SHPRH: variants seen among roughly 807,000 people sequenced by gnomAD.
SHPRH encodes E3 ubiquitin-protein ligase SHPRH.
Under a neutral mutation model 202.5 loss-of-function variants are expected in SHPRH, and 106 were observed. The ratio of observed to expected loss-of-function variants is 0.52; its 90% CI spans 0.45 to 0.62. SHPRH has a LOEUF of 0.62. SHPRH is among the 20% of genes least tolerant of loss of function. The pLI, the probability that SHPRH is intolerant of heterozygous loss-of-function variation, is 0.00. For synonymous variants in SHPRH, 729 were observed against 686.0 expected, an observed-to-expected ratio of 1.06 and a Z score of -0.98; for missense variants, 1,710 against 2,020.0, an observed-to-expected ratio of 0.85 and a Z score of 2.94.
intron 2 of SHPRH, 70 bp downstream of exon 2, chr6:145,954,620 A>T: frequency 1.4e-6 from 2 of 1,481,252 alleles, no homozygotes; most frequent in Non-Finnish European, 1.8e-6. Flanking sequence ...GACTTCTCTC[A>T]CAAGTTAATT....
chr6:145,875,090 C>T (rs1397103921), intron 2 of SHPRH, among the ~76,000 whole-genome samples: 1 of 152,128 alleles, frequency 6.6e-6, no homozygotes, highest in Non-Finnish European at 1.5e-5. Context: ...AACCAGTAAG[C>T]ACATAATGCA....
chr6:145,866,739 A>G (rs1779798002), intron 2 of SHPRH, among the ~76,000 whole-genome samples: 1 of 152,170 alleles, frequency 6.6e-6, no homozygotes, highest in African/African-American at 2.4e-5. Flanking sequence ...GAGGCCACTT[A>G]TGGAAGAGAA....
chr6:145,896,657 G>A (rs953910499), intron 25 of SHPRH, among the ~76,000 whole-genome samples: 2 of 151,820 alleles, frequency 1.3e-5, no homozygotes, highest in Admixed American at 1.3e-4. Flanking sequence ...AATATGTTAG[G>A]ATACAAAACA....
At chr6:145,867,981 A>G (rs1388567404) in intron 2 of SHPRH, among the ~76,000 whole-genome samples, 2 of 152,206 alleles carry the variant, frequency 1.3e-5, no homozygotes, top group Non-Finnish European at 2.9e-5. Flanking sequence ...TAGGGCTGCC[A>G]TAACAAAGTA....
chr6:145,944,447 T>C (rs1042340282), intron 8 of SHPRH, among the ~76,000 whole-genome samples: 1 of 152,096 alleles, frequency 6.6e-6, no homozygotes, highest in Non-Finnish European at 1.5e-5. Flanking sequence ...AGTGGGAGTA[T>C]GATAGGCAGG....
intron 2 of SHPRH, among the ~76,000 whole-genome samples, chr6:145,879,328 C>T (rs565922994): frequency 6.6e-6 from 1 of 152,138 alleles, no homozygotes; most frequent in East Asian, 1.9e-4. Context: ...AATAACACCC[C>T]CCATTCCTCC....
At chr6:145,929,381 T>C (rs1186965398) in intron 14 of SHPRH, among the ~76,000 whole-genome samples, 1 of 152,072 alleles carries the variant, frequency 6.6e-6, no homozygotes, top group Non-Finnish European at 1.5e-5. Context: ...TCAGAATATG[T>C]ATTAATGTAT....
rs71801996 is a variant in SHPRH at position 145,937,915 on chromosome 6, T to TAAC, written c.2570-2475_2570-2474insGTT. 4.5e-3 allele frequency among the ~76,000 whole-genome samples: 692 copies of TAAC among 152,338 alleles called. 27 individuals are homozygous for TAAC. The East Asian group carries it at 0.081, about 18-fold the overall frequency. On this transcript the variant is annotated intron_variant, in intron 11 of 29. Transcript: ENST00000275233. ...ACTATTTTTTTAATGAAACCTGTTATAGTTAGAATTTTCCTTTTTTTCATT... is the reference window on the plus strand; with the variant it reads ...ACTATTTTTTTAATGAAACCTGTTATAACAGTTAGAATTTTCCTTTTTTTCATT...
At chr6:145,879,277 T>C (rs558769436) in intron 2 of SHPRH, among the ~76,000 whole-genome samples, 3 of 152,184 alleles carry the variant, frequency 2.0e-5, no homozygotes, top group Admixed American at 6.5e-5. Context: ...AAAAAAGAAA[T>C]AGTTGCTTTT....
downstream of SHPRH, among the ~76,000 whole-genome samples, chr6:145,863,271 C>A (rs17075407): frequency 0.013 from 2,014 of 152,214 alleles, 48 homozygotes; most frequent in African/African-American, 0.045. Context: ...AAATGAGAGA[C>A]GTGATTGCCA....
At chr6:145,960,985 G>T (rs560824881) in intron 1 of SHPRH, among the ~76,000 whole-genome samples, 1 of 151,804 alleles carries the variant, frequency 6.6e-6, no homozygotes, top group African/African-American at 2.4e-5. Flanking sequence ...TGCAGTTCAC[G>T]ATAGCATTCA....
intron 8 of SHPRH, among the ~76,000 whole-genome samples, chr6:145,944,338 C>A (rs1425020080): frequency 6.6e-6 from 1 of 152,056 alleles, no homozygotes; most frequent in African/African-American, 2.4e-5. Flanking sequence ...CAAATATGAA[C>A]AATATTTGGC....
Position 145,948,276 on chromosome 6 carries a change from C to T in SHPRH, c.1057G>A (p.Gly353Ser). The T allele has an allele frequency of 2.5e-6, 4 of 1,573,866 alleles. No individual in the cohort carries two copies. The highest frequency in any genetic ancestry group is 3.4e-6 in the Non-Finnish European group (4 of 1,160,452). ...ATAAGTAAAATTTTGCCTTACCAGC[C>T]TGTATATGGATTATAGTAGAGTTTC... is the stretch of plus-strand genomic sequence containing the variant. ...GLKLYYNPYTGCIIREYPNSG... is the reference protein window; with the variant it reads ...GLKLYYNPYTSCIIREYPNSG... The change falls in exon 5 of 30, where the codon GGC becomes AGC. Residue 353 changes from glycine to serine, a missense_variant. Physicochemically the swap from Gly to Ser is moderately conservative, Grantham distance 56. Transcript: ENST00000275233.
chr6:145,935,250 T>C (rs1227786626), intron 12 of SHPRH, 28 bp downstream of exon 12: 2 of 1,612,112 alleles, frequency 1.2e-6, no homozygotes, highest in Admixed American at 3.4e-5. Flanking sequence ...TTATAGTACC[T>C]TTATCAATAA....
At chr6:145,943,065 G>A in intron 9 of SHPRH, 78 bp downstream of exon 9, 1 of 1,465,398 alleles carries the variant, frequency 6.8e-7, no homozygotes, top group East Asian at 2.3e-5. Context: ...AAACCACAAA[G>A]AAACAAAGAT....
intron 2 of SHPRH, 28 bp from the exon 3 acceptor site, chr6:145,952,506 A>C (rs1176779993): frequency 1.9e-6 from 3 of 1,586,234 alleles, no homozygotes; most frequent in Non-Finnish European, 2.6e-6. Context: ...AAATAAAAGT[A>C]GTTTCATTTG....
rs1780902074 is a variant in SHPRH at position 145,885,289 on chromosome 6, A to G, written c.*1402T>C. 1.3e-5 allele frequency: 2 copies of G among 152,468 alleles called. No homozygotes were observed. Among genetic ancestry groups the G allele is most frequent in the African/African-American group, 4.8e-5 (2 of 41,466 alleles). 9.4% of individuals were successfully genotyped at this position (152,468 alleles called of 1,614,324 possible). A position where few individuals can be genotyped will look rare whatever the true frequency, so the allele number is the denominator to read the frequency against. ...AAAAATAACAGTTTGATTTAATTTC[A>G]TATAAAAGAATCAATGGATACCTCC... On this transcript the variant is annotated 3_prime_UTR_variant, in exon 30 of 30. Transcript: ENST00000275233.
chr6:145,897,819 A>G (rs888343867), intron 25 of SHPRH, among the ~76,000 whole-genome samples: 2 of 152,178 alleles, frequency 1.3e-5, no homozygotes, highest in Non-Finnish European at 2.9e-5. Context: ...AAAATTCAAC[A>G]TACTTCAATA....
Position 145,943,513 on chromosome 6 carries a change from A to T in SHPRH, c.1868T>A (p.Phe623Tyr). Reference sequence around the variant, plus strand: ...GTCCTCTGTTTCATGTTCTTGGTTGAATTCAGAGATACATGTACTTTTAGA... The same window carrying T: ...GTCCTCTGTTTCATGTTCTTGGTTGTATTCAGAGATACATGTACTTTTAGA... ...AMSKSTCISE[F>Y]NQEHETEDCA... The change falls in exon 9 of 30, where the codon TTC becomes TAC. Residue 623 changes from phenylalanine to tyrosine, a missense_variant. By Grantham distance (22) the Phe-to-Tyr change is conservative. Coordinates refer to ENST00000275233, the MANE Select transcript of SHPRH (RefSeq NM_001042683.3). 6.2e-7 allele frequency: 1 copy of T among 1,614,016 alleles called. No homozygotes were observed. Among genetic ancestry groups the T allele is most frequent in the African/African-American group, 1.3e-5 (1 of 75,030 alleles).
Sources: gnomAD v4.1 joint callset for allele counts (sites outside exome capture counted in the v4.1 genomes callset) on GRCh38, gnomAD v4.1.1 for gene constraint, MANE v1.5 for transcripts, NCBI Gene and HGNC (gene_info 2026-07-23, HGNC 2026-07-21) for gene names.